CDC42BPA: variants seen among roughly 807,000 people sequenced by gnomAD.
CDC42BPA encodes the protein CDC42 binding protein kinase alpha.
A neutral mutation model predicts 223.5 loss-of-function variants in CDC42BPA; 80 were observed. The ratio of observed to expected loss-of-function variants is 0.36; its 90% CI spans 0.30 to 0.43. The LOEUF (loss-of-function observed/expected upper bound fraction) is 0.43. Among genes scored for constraint, CDC42BPA ranks in the 20% least tolerant of loss-of-function variants. CDC42BPA has a pLI of 1.00. For synonymous variants in CDC42BPA, 694 were observed against 718.6 expected (o/e 0.97, Z 0.55); for missense variants, 1,743 against 2,099.9 (o/e 0.83, Z 3.32).
intron 10 of CDC42BPA, among the ~76,000 whole-genome samples, chr1:227,135,445 G>T (rs1352198793): frequency 6.6e-6 from 1 of 152,114 alleles, no homozygotes; most frequent in Non-Finnish European, 1.5e-5. Flanking sequence ...GAAGGCTGAA[G>T]AACAGAATAA....
At chr1:227,011,538 G>A (rs1665208912) in intron 34 of CDC42BPA, among the ~76,000 whole-genome samples, 1 of 152,096 alleles carries the variant, frequency 6.6e-6, no homozygotes. Flanking sequence ...TAATGTGTTT[G>A]TTTTTACTGA....
In CDC42BPA at chr1:227,318,343, G is replaced by C. The variant is rs969299233; in HGVS notation, c.-1161C>G. The C allele has an allele frequency of 6.6e-5, 10 of 152,438 alleles. No homozygotes were observed. Among genetic ancestry groups the C allele is most frequent in the African/African-American group, 1.9e-4 (8 of 41,520 alleles). 9.4% of individuals were successfully genotyped at this position (152,438 alleles called of 1,614,324 possible). A position where few individuals can be genotyped will look rare whatever the true frequency, so the allele number is the denominator to read the frequency against. The stretch of plus-strand genomic sequence containing the variant: ...CGCGGCTGAGGAGACTAGAGGCTGC[G>C]GCAGCCCGGCTCCCAACCACTCCCT... On this transcript the variant is annotated 5_prime_UTR_variant, in exon 1 of 37. Coordinates refer to ENST00000366766, the MANE Select transcript of CDC42BPA (RefSeq NM_001394014.1).
intron 1 of CDC42BPA, among the ~76,000 whole-genome samples, chr1:227,314,847 C>T (rs1198264914): frequency 6.6e-6 from 1 of 151,678 alleles, no homozygotes; most frequent in Non-Finnish European, 1.5e-5. Flanking sequence ...CAAATTTAAC[C>T]CCAACAACAA....
At chr1:227,203,258 T>G (rs1025911318) in intron 3 of CDC42BPA, among the ~76,000 whole-genome samples, 1 of 152,214 alleles carries the variant, frequency 6.6e-6, no homozygotes, top group African/African-American at 2.4e-5. Flanking sequence ...GCTACGTTTT[T>G]GCTTCAACAT....
intron 3 of CDC42BPA, among the ~76,000 whole-genome samples, chr1:227,206,745 A>G (rs943983755): frequency 6.6e-6 from 1 of 151,968 alleles, no homozygotes; most frequent in African/African-American, 2.4e-5. Flanking sequence ...CTAAAAGATA[A>G]AAGTTTTCTC....
At chr1:227,250,675 T>C (rs1681842414) in intron 2 of CDC42BPA, among the ~76,000 whole-genome samples, 2 of 151,964 alleles carry the variant, frequency 1.3e-5, no homozygotes, top group Admixed American at 6.6e-5. Flanking sequence ...TACTTCAATT[T>C]TTTTTAATTT....
At chr1:227,050,688 A>G (rs955702230) in intron 22 of CDC42BPA, among the ~76,000 whole-genome samples, 4 of 152,182 alleles carry the variant, frequency 2.6e-5, no homozygotes, top group African/African-American at 9.6e-5. Context: ...AGAAGGATAC[A>G]GGTAATATTT....
chr1:227,040,067 G>C, intron 24 of CDC42BPA, 64 bp downstream of exon 24: 1 of 990,930 alleles, frequency 1.0e-6, no homozygotes, highest in Non-Finnish European at 1.6e-6. Context: ...CTTTGAAAGA[G>C]AATCAACTTA....
intron 2 of CDC42BPA, among the ~76,000 whole-genome samples, chr1:227,226,269 C>A (rs1676850785): frequency 6.6e-6 from 1 of 152,160 alleles, no homozygotes. Context: ...AAGTCAGAAC[C>A]CAACTTTGCA....
Position 227,101,154 on chromosome 1 carries a change from T to TTATGAAGTA in CDC42BPA, c.2086_2087insTACTTCATA (p.Lys695_Lys696insIleLeuHis). 1 of 1,582,886 alleles carries TTATGAAGTA rather than the reference T, an allele frequency of 6.3e-7. No homozygotes were observed. The highest frequency in any genetic ancestry group is 8.7e-7 in the Non-Finnish European group (1 of 1,152,442). On this transcript the variant is annotated inframe_insertion, in exon 15 of 37. Coordinates refer to ENST00000366766, the MANE Select transcript of CDC42BPA (RefSeq NM_001394014.1). Reference sequence around the variant, plus strand: ...TAATTCTTCTTCATAAAAGATACTTTTCTTTTCCAAATCAGTCTTTAGTTT... The same window carrying TTATGAAGTA: ...TAATTCTTCTTCATAAAAGATACTTTTATGAAGTATCTTTTCCAAATCAGTCTTTAGTTT...
At chr1:227,310,737 A>G (rs1693376031) in intron 1 of CDC42BPA, among the ~76,000 whole-genome samples, 1 of 145,680 alleles carries the variant, frequency 6.9e-6, no homozygotes, top group Non-Finnish European at 1.5e-5. Flanking sequence ...CCCAGACTGG[A>G]GTGCAGTGGC....
chr1:227,039,481 A>T (rs1048149363), intron 24 of CDC42BPA, among the ~76,000 whole-genome samples: 3 of 152,174 alleles, frequency 2.0e-5, no homozygotes, highest in African/African-American at 7.2e-5. Context: ...TTCCATTATA[A>T]TTTAAACCAT....
At chr1:227,101,425 T>C (rs1410024629) in intron 14 of CDC42BPA, among the ~76,000 whole-genome samples, 186 bp from the exon 15 acceptor site, 1 of 152,178 alleles carries the variant, frequency 6.6e-6, no homozygotes, top group East Asian at 1.9e-4. Flanking sequence ...TTCCTCAGTT[T>C]ACATTCCTTA....
At position 227,119,246 on chromosome 1, in the gene CDC42BPA, C is replaced by T. The variant is rs532076772; in HGVS notation, c.1647+558G>A. Among the ~76,000 whole-genome samples, 3 of 151,964 alleles carry T rather than the reference C, an allele frequency of 2.0e-5. No individual in the cohort carries two copies. In the South Asian group the frequency reaches 6.2e-4, roughly 32 times the overall value. ...TCTCTAGTGCTTGAATATTATTTAC[C>T]CTATTGGGCTGTGTTACAGAGGCTT... is the stretch of plus-strand genomic sequence containing the variant. On this transcript the variant is annotated intron_variant, in intron 12 of 36. Transcript: ENST00000366766.
At position 227,005,122 on chromosome 1, in the gene CDC42BPA, A is replaced by C; in HGVS notation, c.4858-11T>G. On this transcript the variant is annotated splice_polypyrimidine_tract_variant and intron_variant, in intron 34 of 36. Transcript: ENST00000366766. Reference sequence around the variant, plus strand: ...CTGAGGCCGAGGGTTCTATAAACAAAAGCGAGAGAGACATCCTTTAGCCAG... The same window carrying C: ...CTGAGGCCGAGGGTTCTATAAACAACAGCGAGAGAGACATCCTTTAGCCAG... 6.4e-7 allele frequency: 1 copy of C among 1,568,456 alleles called. No homozygotes were observed. Among genetic ancestry groups the C allele is most frequent in the Non-Finnish European group, 8.8e-7 (1 of 1,138,784 alleles).
At chr1:226,998,740 G>A (rs1163867903) in intron 35 of CDC42BPA, among the ~76,000 whole-genome samples, 1 of 152,140 alleles carries the variant, frequency 6.6e-6, no homozygotes, top group East Asian at 1.9e-4. Flanking sequence ...CATGGGCAAG[G>A]ACTTCATGAC....
intron 35 of CDC42BPA, among the ~76,000 whole-genome samples, chr1:227,003,425 T>C (rs1663304627): frequency 6.6e-6 from 1 of 152,142 alleles, no homozygotes; most frequent in African/African-American, 2.4e-5. Flanking sequence ...CTTGAGAAAG[T>C]TACAGAAAAG....
intron 2 of CDC42BPA, among the ~76,000 whole-genome samples, chr1:227,249,670 C>T (rs559474116): frequency 3.9e-5 from 6 of 152,178 alleles, no homozygotes; most frequent in African/African-American, 1.4e-4. Flanking sequence ...AAAAGACATA[C>T]GAATGGCAAA....
rs528212336 is a variant in CDC42BPA, at chr1:227,006,640, C to T, written c.4858-1529G>A. 5.9e-5 allele frequency among the ~76,000 whole-genome samples: 9 copies of T among 152,180 alleles called. No individual in the cohort carries two copies. In the East Asian group the frequency reaches 7.7e-4, roughly 13 times the overall value. Reference sequence around the variant, plus strand: ...CTTTCAAACCTCCTTTTAGTCACATCGAAACAGCCATTCTGGCCAGGCACG... The same window carrying T: ...CTTTCAAACCTCCTTTTAGTCACATTGAAACAGCCATTCTGGCCAGGCACG... On this transcript the variant is annotated intron_variant, in intron 34 of 36. Coordinates refer to ENST00000366766, the MANE Select transcript of CDC42BPA (RefSeq NM_001394014.1).
Sources: gnomAD v4.1 joint callset for allele counts (sites outside exome capture counted in the v4.1 genomes callset) on GRCh38, gnomAD v4.1.1 for gene constraint, MANE v1.5 for transcripts, NCBI Gene and HGNC (gene_info 2026-07-23, HGNC 2026-07-21) for gene names.